Variants in INTS6 observed in about 807,000 individuals in gnomAD.
INTS6 encodes DEAD box protein.
In INTS6, 16 loss-of-function variants were observed where a neutral mutation model predicts 104.9. The ratio of observed to expected loss-of-function variants is 0.15; its 90% CI spans 0.10 to 0.23. The LOEUF is 0.23. Among genes scored for constraint, INTS6 ranks in the 10% least tolerant of loss-of-function variants. The pLI is 1.00. For synonymous variants in INTS6, 324 were observed against 358.7 expected (o/e 0.90, Z 1.09); for missense variants, 584 against 1,062.8 (o/e 0.55, Z 6.26).
the INTS6 span, chr13:51,344,521 C>T: frequency 1.4e-6 from 2 of 1,467,196 alleles, no homozygotes; most frequent in Non-Finnish European, 1.9e-6. Context: ...AAGGCTAAGG[C>T]AGAGGGCTGC....
chr13:51,383,563 G>C, intron 8 of INTS6, 26 bp downstream of exon 8: 1 of 1,605,590 alleles, frequency 6.2e-7, no homozygotes. Flanking sequence ...TTAAATTTTG[G>C]GGTCACTGTA....
chr13:51,393,156 C>T (rs1956273928), intron 5 of INTS6, among the ~76,000 whole-genome samples: 1 of 150,922 alleles, frequency 6.6e-6, no homozygotes. Flanking sequence ...CAGCTCACTG[C>T]AACTTCCACC....
rs151197136 is a variant in INTS6, at chr13:51,414,833, T to TACACACACAC, written c.429+15451_429+15460dup. 7.4e-3 allele frequency among the ~76,000 whole-genome samples: 1,064 copies of TACACACACAC among 143,020 alleles called. 15 individuals are homozygous for TACACACACAC. The highest frequency in any genetic ancestry group is 0.019 in the African/African-American group (735 of 38,114). The allele number at this position is 143,020 out of a possible 152,430, so 93.8% of individuals were successfully genotyped here. A position where few individuals can be genotyped will look rare whatever the true frequency, so the allele number is the denominator to read the frequency against. ...TATATGTATGTATGTAGTTCTTCTA[T>TACACACACAC]ACACACACACACACACACACACACA... On this transcript the variant is annotated intron_variant, in intron 4 of 17. Transcript: ENST00000311234.
At chr13:51,349,888 G>A (rs1955387873), downstream of INTS6, among the ~76,000 whole-genome samples, 1 of 152,160 alleles carries the variant, frequency 6.6e-6, no homozygotes, top group African/African-American at 2.4e-5. Flanking sequence ...TTAGGAAAAT[G>A]AAGTTATTTC....
chr13:51,450,249 C>A, intron 3 of INTS6: 5 of 984,590 alleles, frequency 5.1e-6, no homozygotes, highest in Non-Finnish European at 6.0e-6. Context: ...TCTTTTATTT[C>A]CAGGGCAATA....
At chr13:51,355,002 G>A in intron 3 of INTS6, 2 of 1,007,468 alleles carry the variant, frequency 2.0e-6, no homozygotes, top group Non-Finnish European at 3.1e-6. Flanking sequence ...AGTATATTGA[G>A]TGAGAATTTT....
intron 15 of INTS6, 59 bp from the exon 16 acceptor site, chr13:51,369,369 T>C (rs1193306677): frequency 3.4e-5 from 50 of 1,491,766 alleles, no homozygotes; most frequent in Non-Finnish European, 4.5e-5. Context: ...ATACAGTAAA[T>C]AAAGCTACAA....
downstream of INTS6, among the ~76,000 whole-genome samples, chr13:51,357,837 G>C (rs1402677638): frequency 6.6e-6 from 1 of 152,074 alleles, no homozygotes; most frequent in African/African-American, 2.4e-5. Context: ...AATACTCCTT[G>C]TGCACAAACT....
At position 51,369,049 on chromosome 13, in the gene INTS6, G is replaced by A. The variant is rs1489722913; in HGVS notation, c.2366C>T (p.Pro789Leu). ...DKEQCAEENI[P>L]ASSLNKGKKL... ...CTTTCCTTTGTTGAGTGAAGATGCT[G>A]GTATGTTCTCTTCAGCACATTGTTC... Residue 789 changes from proline to leucine, a missense_variant, in exon 16 of 18, where the codon CCA becomes CTA. Pro to Leu is a moderately conservative substitution (Grantham distance 98, BLOSUM62 -3). This residue lies in a region of INTS6 where 296 missense variants were observed against 437.0 expected (regional missense o/e 0.68). Transcript: ENST00000311234. 6.2e-7 allele frequency: 1 copy of A among 1,613,724 alleles called. No homozygotes were observed. The highest frequency in any genetic ancestry group is 1.7e-5 in the Admixed American group (1 of 59,988).
intron 3 of INTS6, among the ~76,000 whole-genome samples, chr13:51,431,743 G>A (rs1425799029): frequency 6.6e-6 from 1 of 151,964 alleles, no homozygotes; most frequent in Non-Finnish European, 1.5e-5. Context: ...AATGGTTCCG[G>A]GGGAGAAAGA....
downstream of INTS6, among the ~76,000 whole-genome samples, chr13:51,359,377 T>G (rs1041701793): frequency 6.6e-6 from 1 of 152,134 alleles, no homozygotes; most frequent in African/African-American, 2.4e-5. Flanking sequence ...ATGTCAACTC[T>G]TACCAGAGAT....
the INTS6 span, among the ~76,000 whole-genome samples, chr13:51,338,447 G>GTGGATGGATGGATGGATGGATGGA: frequency 6.7e-6 from 1 of 149,092 alleles, no homozygotes; most frequent in African/African-American, 2.5e-5. Context: ...GGATGGATAG[G>GTGGATGGATGGATGGATGGATGGA]TGGATGGATG....
At chr13:51,426,856 C>T (rs918860581) in intron 4 of INTS6, among the ~76,000 whole-genome samples, 2 of 151,914 alleles carry the variant, frequency 1.3e-5, no homozygotes, top group African/African-American at 2.4e-5. Context: ...AGGCAGCAGC[C>T]GTATCAGGAA....
chr13:51,438,758 G>A (rs1490038994), intron 3 of INTS6: 2 of 151,988 alleles, frequency 1.3e-5, no homozygotes, highest in Non-Finnish European at 2.9e-5. Flanking sequence ...TTCATTACCT[G>A]CCAAAGTATA....
intron 4 of INTS6, among the ~76,000 whole-genome samples, chr13:51,425,994 A>G (rs569393122): frequency 6.6e-6 from 1 of 152,176 alleles, no homozygotes; most frequent in East Asian, 1.9e-4. Context: ...ATATATACAC[A>G]TAAAATTCAA....
chr13:51,403,365 G>A (rs539712952), intron 4 of INTS6, among the ~76,000 whole-genome samples: 1 of 152,118 alleles, frequency 6.6e-6, no homozygotes, highest in African/African-American at 2.4e-5. Context: ...CACGGATCAC[G>A]AGGTCAGCAG....
rs779264409 is a variant in INTS6 at position 51,383,390 on chromosome 13, T to A, written c.1119A>T (p.Ala373=). ...TCACAAATAAGTTGACACAGTTCAG[T>A]GCTGTACTGGCTTTCAAGTAACCAA... ...HPFGYLKAST[A]LNCVNLFVMP... The change falls in exon 9 of 18, where the codon GCA becomes GCT. Residue 373 remains alanine, a synonymous_variant. Coordinates refer to ENST00000311234, the MANE Select transcript of INTS6 (RefSeq NM_012141.3). 3 of 1,613,958 alleles carry A rather than the reference T, an allele frequency of 1.9e-6. No homozygotes were observed. The highest frequency in any genetic ancestry group is 2.5e-6 in the Non-Finnish European group (3 of 1,179,844).
At chr13:51,373,263 A>C (rs1287166493) in intron 15 of INTS6, among the ~76,000 whole-genome samples, 1 of 151,784 alleles carries the variant, frequency 6.6e-6, no homozygotes, top group African/African-American at 2.4e-5. Context: ...ATCAGGAGTC[A>C]TATAATATTT....
At chr13:51,347,406 A>C in the INTS6 span, among the ~76,000 whole-genome samples, 1 of 152,190 alleles carries the variant, frequency 6.6e-6, no homozygotes, top group Admixed American at 6.5e-5. Context: ...CGGAGACTTT[A>C]GAGAGGAGTG....
Sources: allele counts gnomAD v4.1 joint callset (sites outside exome capture counted in the v4.1 genomes callset), GRCh38; gene constraint gnomAD v4.1.1; regional missense constraint gnomAD v4.1.1; transcripts MANE v1.5; gene names NCBI Gene and HGNC (gene_info 2026-07-23, HGNC 2026-07-21).